The following MED14 variants were observed in gnomAD, a reference collection of about 807,000 sequenced individuals.
MED14 encodes the protein mediator complex subunit 14.
A neutral mutation model predicts 109.0 loss-of-function variants in MED14; 8 were observed. The ratio of observed to expected loss-of-function variants is 0.07; its 90% confidence interval spans 0.04 to 0.13. The LOEUF (loss-of-function observed/expected upper bound fraction) is 0.13, where lower values mean the gene tolerates loss of function less well. MED14 is among the 10% of genes least tolerant of loss of function. MED14 has a pLI of 1.00. For missense variants in MED14, 711 were observed against 1,142.4 expected (o/e 0.62, Z 5.44); for synonymous variants, 399 against 408.7 (o/e 0.98, Z 0.29).
At chrX:40,731,463 G>A (rs903079276) in intron 1 of MED14, among the ~76,000 whole-genome samples, 3 of 111,297 alleles carry the variant, frequency 2.7e-5, no homozygotes, top group Non-Finnish European at 3.8e-5. Flanking sequence ...AACTTCCATG[G>A]TAAGTTCCCA....
At chrX:40,667,086 T>C (rs1444181033) in intron 23 of MED14, among the ~76,000 whole-genome samples, 1 of 112,028 alleles carries the variant, frequency 8.9e-6, no homozygotes, top group Admixed American at 9.5e-5. Context: ...GTGTACTTTT[T>C]ATTCAGTTCC....
Position 40,692,260 on chromosome X carries a change from A to G in MED14, c.1903T>C (p.Cys635Arg). 1 of 1,200,523 alleles carries G rather than the reference A, an allele frequency of 8.3e-7. No homozygotes were observed. The highest frequency in any genetic ancestry group is 1.1e-6 in the Non-Finnish European group (1 of 885,613). Residue 635 changes from cysteine (C) to arginine (R), a missense_variant, in exon 15 of 31, where the codon TGT (cysteine) becomes CGT (arginine). Cys to Arg is a radical substitution (Grantham distance 180, BLOSUM62 -3). Transcript: ENST00000324817. The stretch of plus-strand genomic sequence containing the variant: ...TGGGCTAAAACTTTATTGAAGGCAC[A>G]CATTTCTCCTGCTCGTTTTGTTTTC... ...SKKTKRAGEM[C>R]AFNKVLAHFV...
intron 1 of MED14, among the ~76,000 whole-genome samples, chrX:40,734,599 C>T (rs1279195627): frequency 8.9e-6 from 1 of 112,471 alleles, no homozygotes; most frequent in Admixed American, 9.4e-5. Context: ...GGATTAACAA[C>T]TTAATCATGC....
intron 23 of MED14, among the ~76,000 whole-genome samples, chrX:40,670,754 C>T (rs1164259576): frequency 2.1e-5 from 2 of 93,450 alleles, no homozygotes; most frequent in African/African-American, 3.8e-5. Context: ...GGCGACAGAG[C>T]GAGACTCTGT....
intron 13 of MED14, among the ~76,000 whole-genome samples, chrX:40,694,937 C>T (rs1930671144): frequency 8.9e-6 from 1 of 111,821 alleles, no homozygotes; most frequent in African/African-American, 3.3e-5. Flanking sequence ...TCAAAATTAC[C>T]CCAAACTGGA....
intron 11 of MED14, among the ~76,000 whole-genome samples, chrX:40,701,978 G>C (rs1403774718): frequency 3.6e-5 from 4 of 111,302 alleles, no homozygotes; most frequent in Non-Finnish European, 7.5e-5. Flanking sequence ...TTCATGAAGG[G>C]ATCAGTAGCA....
In MED14 at chrX:40,650,627, C is replaced by T. The variant is rs1160198946; in HGVS notation, c.*1179G>A. ...ACAGCACAGTGCTCCAAAAAGAAAC[C>T]CTGCAGAGATGTATTAATACCAAAA... On this transcript the variant is annotated 3_prime_UTR_variant, in exon 31 of 31. Transcript: ENST00000324817. 15 of 752,094 alleles carry T rather than the reference C, an allele frequency of 2.0e-5. No individual in the cohort carries two copies. Among genetic ancestry groups the T allele is most frequent in the Non-Finnish European group, 2.3e-5 (15 of 638,938 alleles). The allele number at this position is 752,094 out of a possible 1,213,427, so 62.0% of individuals were successfully genotyped here.
intron 1 of MED14, among the ~76,000 whole-genome samples, chrX:40,732,639 G>T (rs1187643572): frequency 9.0e-6 from 1 of 110,871 alleles, no homozygotes. Context: ...AATTAGCTGG[G>T]CGTGGTGGCG....
rs200920894 is a variant in MED14, at chrX:40,659,515, T to C, written c.3777A>G (p.Gln1259=). The C allele has an allele frequency of 1.6e-5, 19 of 1,209,418 alleles. No homozygotes were observed. In the East Asian group the frequency reaches 5.3e-4, roughly 34 times the overall value. Residue 1259 remains glutamine (Q), a synonymous_variant, in exon 27 of 31, where the codon CAA becomes CAG. Transcript: ENST00000324817. ...CRVALSPKTN[Q]TLQLKVTPEN... The stretch of plus-strand genomic sequence containing the variant: ...CAGGTGTCACTTTTAGCTGAAGCGT[T>C]TGGTTGGTTTTGGGACTAAGAGCTA...
chrX:40,713,292 T>C (rs1931394984), intron 5 of MED14, among the ~76,000 whole-genome samples: 1 of 111,554 alleles, frequency 9.0e-6, no homozygotes, highest in South Asian at 3.8e-4. Context: ...GACTCTTCTC[T>C]CTTTCCAGCC....
chrX:40,700,825 A>G (rs1489899371), intron 12 of MED14, among the ~76,000 whole-genome samples: 1 of 112,220 alleles, frequency 8.9e-6, no homozygotes, highest in African/African-American at 3.2e-5. Flanking sequence ...TACCCTGGAT[A>G]AGAACAAATA....
chrX:40,726,374 GAA>G (rs549414993), intron 3 of MED14: 9 of 85,476 alleles, frequency 1.1e-4, no homozygotes, highest in Middle Eastern at 5.0e-3. Flanking sequence ...TGTAAAACTG[GAA>G]AAAAAAAAAA....
chrX:40,693,916 T>C (rs1186830106), intron 13 of MED14, among the ~76,000 whole-genome samples: 1 of 111,195 alleles, frequency 9.0e-6, no homozygotes, highest in Admixed American at 9.5e-5. Context: ...TTTGTTTTTT[T>C]GAGACAGAGT....
At chrX:40,685,375 G>T (rs980946678) in intron 16 of MED14, among the ~76,000 whole-genome samples, 3 of 112,263 alleles carry the variant, frequency 2.7e-5, no homozygotes, top group Non-Finnish European at 5.6e-5. Flanking sequence ...AGCAAAAGCA[G>T]CATGAGTGTG....
intron 21 of MED14, among the ~76,000 whole-genome samples, chrX:40,677,459 C>A (rs1265889415): frequency 9.0e-6 from 1 of 110,861 alleles, no homozygotes; most frequent in Non-Finnish European, 1.9e-5. Flanking sequence ...CCACACCCCC[C>A]CACACACAAA....
intron 20 of MED14, among the ~76,000 whole-genome samples, 188 bp downstream of exon 20, chrX:40,680,570 C>T (rs1404246344): frequency 1.8e-5 from 2 of 111,063 alleles, no homozygotes; most frequent in African/African-American, 3.3e-5. Context: ...AGGCGTGCAT[C>T]GCCACAACTG....
At chrX:40,735,119 G>T in intron 1 of MED14, 79 bp downstream of exon 1, 1 of 725,044 alleles carries the variant, frequency 1.4e-6, no homozygotes, top group Non-Finnish European at 1.9e-6. Context: ...AGCCTCTCGG[G>T]GAGAGGGAGG....
rs765884075 is a variant in MED14 at position 40,654,347 on chromosome X, G to C, written c.4291+17C>G. On this transcript the variant is annotated intron_variant, in intron 30 of 30. Coordinates refer to ENST00000324817, the MANE Select transcript of MED14 (RefSeq NM_004229.4). ...TATAACATATATGCAATAAAATATTGTCTACTGGTCATGTACCTTGTCGTG... is the reference window on the plus strand; with the variant it reads ...TATAACATATATGCAATAAAATATTCTCTACTGGTCATGTACCTTGTCGTG... The C allele has an allele frequency of 1.7e-6, 2 of 1,203,140 alleles. No homozygotes were observed. The highest frequency in any genetic ancestry group is 1.8e-5 in the South Asian group (1 of 56,400).
intron 27 of MED14, 37 bp from the exon 28 acceptor site, chrX:40,659,371 A>C (rs1929184282): frequency 8.5e-7 from 1 of 1,172,132 alleles, no homozygotes; most frequent in African/African-American, 1.8e-5. Flanking sequence ...TCTTCATTCT[A>C]CATTAATGCT....
Sources: gnomAD v4.1 joint callset for allele counts (sites outside exome capture counted in the v4.1 genomes callset) on GRCh38, gnomAD v4.1.1 for gene constraint, MANE v1.5 for transcripts, NCBI Gene and HGNC (gene_info 2026-07-23, HGNC 2026-07-21) for gene names.